BCAN: variants seen among roughly 807,000 people sequenced by gnomAD.
The protein encoded by BCAN is brevican core protein.
Under a neutral mutation model 92.4 loss-of-function variants are expected in BCAN, and 51 were observed. That is an observed-to-expected ratio of 0.55 (90% confidence interval 0.44 to 0.70). The LOEUF is 0.70. Ranked by LOEUF, BCAN falls within the 30% of genes least tolerant of loss-of-function variation. BCAN has a pLI of 0.00. For synonymous variants in BCAN, 501 were observed against 505.2 expected, an observed-to-expected ratio of 0.99 and a Z score of 0.11; for missense variants, 1,140 against 1,212.1, an observed-to-expected ratio of 0.94 and a Z score of 0.88.
In BCAN at chr1:156,657,682, C is replaced by A; in HGVS notation, c.2217C>A (p.Tyr739Ter). 1 of 1,610,024 alleles carries A rather than the reference C, an allele frequency of 6.2e-7. No individual in the cohort carries two copies. Among genetic ancestry groups the A allele is most frequent in the Non-Finnish European group, 8.5e-7 (1 of 1,178,748 alleles). Residue 739 changes from tyrosine (Y) to a stop codon, truncating the protein, a stop_gained, in exon 11 of 14, where the codon TAC (tyrosine) becomes TAA (stop). Coordinates refer to ENST00000329117, the MANE Select transcript of BCAN (RefSeq NM_021948.5). LOFTEE classifies it high-confidence loss of function. The part of the protein sequence containing the change: ...PEEQDFINNR[Y>*]REYQWIGLND... Reference sequence around the variant, plus strand: ...ACGCCTTCGTCTCCCTAGACCGGTACCGGGAGTACCAGTGGATCGGACTCA... The same window carrying A: ...ACGCCTTCGTCTCCCTAGACCGGTAACGGGAGTACCAGTGGATCGGACTCA...
In BCAN at chr1:156,647,279, A is replaced by G. The variant is rs1211549878; in HGVS notation, c.466+104A>G. ...TGAGAGGGAAGCAAAGGTAGCTGGA[A>G]GGCGCAGCCTGGGTTGGAAAAAGAG... On this transcript the variant is annotated intron_variant, in intron 3 of 13. Transcript: ENST00000329117. This position sits in a 1 kb window ranked among gnomAD's most constrained non-coding sequence, Gnocchi z 4.8. The G allele has an allele frequency of 7.3e-7, 1 of 1,375,558 alleles. No homozygotes were observed. The highest frequency in any genetic ancestry group is 9.7e-7 in the Non-Finnish European group (1 of 1,033,864). The allele number at this position is 1,375,558 out of a possible 1,614,324, so 85.2% of individuals were successfully genotyped here.
chr1:156,649,438 C>A (rs745605774), intron 6 of BCAN, among the ~76,000 whole-genome samples: 29 of 152,138 alleles, frequency 1.9e-4, no homozygotes, highest in Non-Finnish European at 3.8e-4. Flanking sequence ...GGTCTCACTC[C>A]GTCCCCCAGG....
intron 9 of BCAN, 62 bp downstream of exon 9, chr1:156,656,451 T>A: frequency 8.4e-7 from 1 of 1,186,802 alleles, no homozygotes; most frequent in Non-Finnish European, 1.1e-6. Flanking sequence ...GTGCTACTTC[T>A]GGAGGGGGGA....
At chr1:156,657,321 C>A (rs1679368847) in intron 10 of BCAN, 1 of 691,778 alleles carries the variant, frequency 1.4e-6, no homozygotes, top group South Asian at 2.2e-5. Flanking sequence ...CAGTAGAGTG[C>A]GCCTGTGTGG....
chr1:156,655,062 G>A (rs977841348), intron 8 of BCAN, among the ~76,000 whole-genome samples: 2 of 152,238 alleles, frequency 1.3e-5, no homozygotes, highest in African/African-American at 4.8e-5. Flanking sequence ...TCTAGAGGTG[G>A]ATGGTAAAGT....
At chr1:156,645,067 C>G (rs1292713327) in intron 1 of BCAN, among the ~76,000 whole-genome samples, 1 of 152,200 alleles carries the variant, frequency 6.6e-6, no homozygotes, top group Non-Finnish European at 1.5e-5. Flanking sequence ...CACAACACAT[C>G]CTTTTTATGA....
intron 7 of BCAN, 57 bp from the exon 8 acceptor site, chr1:156,652,191 C>T: frequency 6.6e-7 from 1 of 1,525,214 alleles, no homozygotes; most frequent in Admixed American, 2.2e-5. Context: ...TCCCTTTTTC[C>T]TTTCGGTCCT....
intron 6 of BCAN, 75 bp from the exon 7 acceptor site, chr1:156,651,381 C>T: frequency 7.6e-7 from 1 of 1,321,492 alleles, no homozygotes; most frequent in Non-Finnish European, 1.1e-6. Flanking sequence ...TGAGAGAATT[C>T]CATGGTGCAA....
At position 156,652,899 on chromosome 1, in the gene BCAN, C is replaced by T; in HGVS notation, c.1942+7C>T. 6.2e-7 allele frequency: 1 copy of T among 1,613,230 alleles called. No homozygotes were observed. The stretch of plus-strand genomic sequence containing the variant: ...GCCGTGGTCCCCGCATCAGGTAATT[C>T]TGCCCAAGGCTCAACTGCCCTCTCT... On this transcript the variant is annotated splice_region_variant and intron_variant, in intron 8 of 13. Transcript: ENST00000329117.
rs1348523136 is a variant in BCAN, at chr1:156,657,665, G to A, written c.2210-10G>A. The stretch of plus-strand genomic sequence containing the variant: ...GCGGCTGCGCTCACTGCACGCCTTC[G>A]TCTCCCTAGACCGGTACCGGGAGTA... On this transcript the variant is annotated splice_polypyrimidine_tract_variant and intron_variant, in intron 10 of 13. Coordinates refer to ENST00000329117, the MANE Select transcript of BCAN (RefSeq NM_021948.5). 2 of 1,599,804 alleles carry A rather than the reference G, an allele frequency of 1.3e-6. No homozygotes were observed. The highest frequency in any genetic ancestry group is 1.7e-6 in the Non-Finnish European group (2 of 1,175,336).
intron 5 of BCAN, 106 bp downstream of exon 5, chr1:156,648,216 G>T: frequency 7.0e-7 from 1 of 1,436,328 alleles, no homozygotes; most frequent in Non-Finnish European, 9.6e-7. Flanking sequence ...TGAGTTTAAG[G>T]GGGCAAGCAG....
At chr1:156,643,631 C>CAGAGAGAGAGAGAGAGAGAG (rs3839016) in intron 1 of BCAN, 21 of 52,396 alleles carry the variant, frequency 4.0e-4, no homozygotes, top group South Asian at 8.9e-4. Flanking sequence ...CACACACACA[C>CAGAGAGAGAGAGAGAGAGAG]ACACAGAGAG....
intron 2 of BCAN, 71 bp downstream of exon 2, chr1:156,646,216 G>T (rs1678959015): frequency 2.1e-6 from 3 of 1,455,526 alleles, no homozygotes; most frequent in South Asian, 1.2e-5. Flanking sequence ...AGGCTTAGGG[G>T]CCCCAGGAAG....
At chr1:156,656,139 T>C in intron 8 of BCAN, 143 bp from the exon 9 acceptor site, 1 of 453,540 alleles carries the variant, frequency 2.2e-6, no homozygotes. Context: ...AGACAGGCTC[T>C]AGGGAGAACT....
At chr1:156,656,892 C>A in intron 9 of BCAN, 46 bp from the exon 10 acceptor site, 1 of 1,597,986 alleles carries the variant, frequency 6.3e-7, no homozygotes, top group Non-Finnish European at 8.6e-7. Context: ...GGGACCTGGC[C>A]CTCTGGGTTT....
chr1:156,653,159 C>A, intron 8 of BCAN: 1 of 1,395,982 alleles, frequency 7.2e-7, no homozygotes, highest in Non-Finnish European at 9.2e-7. Context: ...GGGCCCTCCA[C>A]CTGTGGCTCA....
intron 6 of BCAN, among the ~76,000 whole-genome samples, chr1:156,651,004 C>T (rs1014100660): frequency 1.3e-5 from 2 of 152,210 alleles, no homozygotes; most frequent in African/African-American, 2.4e-5. Context: ...CCCAAGATCA[C>T]AAGGTGGTAA....
intron 6 of BCAN, among the ~76,000 whole-genome samples, chr1:156,649,440 T>C (rs1307854260): frequency 2.6e-5 from 4 of 152,136 alleles, no homozygotes; most frequent in Non-Finnish European, 4.4e-5. Flanking sequence ...TCTCACTCCG[T>C]CCCCCAGGCT....
chr1:156,647,207 AG>A lies in BCAN; in HGVS notation c.466+35del. 3 of 202,994 alleles carry A rather than the reference AG, an allele frequency of 1.5e-5. No homozygotes were observed. The highest frequency in any genetic ancestry group is 2.0e-5 in the Non-Finnish European group (2 of 98,820). 12.6% of individuals were successfully genotyped at this position (202,994 alleles called of 1,614,324 possible). Reference sequence around the variant, plus strand: ...GGGCAGGGAGGTTCCAGAGGGAGGGAGGGAGGGAGGGAAGGGAGGACTCTTG... The same window carrying A: ...GGGCAGGGAGGTTCCAGAGGGAGGGAGGAGGGAGGGAAGGGAGGACTCTTG... On this transcript the variant is annotated intron_variant, in intron 3 of 13. Coordinates refer to ENST00000329117, the MANE Select transcript of BCAN (RefSeq NM_021948.5). This position sits in a 1 kb window ranked among gnomAD's most constrained non-coding sequence, Gnocchi z 4.8.
Sources: gnomAD v4.1 joint callset for allele counts (sites outside exome capture counted in the v4.1 genomes callset) on GRCh38, gnomAD v4.1.1 for gene constraint, Gnocchi (gnomAD v3.1) non-coding constraint, MANE v1.5 for transcripts, NCBI Gene and HGNC (gene_info 2026-07-23, HGNC 2026-07-21) for gene names.